Variants in ANKH observed in about 807,000 individuals in gnomAD.
The protein encoded by ANKH is ANKH inorganic pyrophosphate transport regulator, also known as mineralization regulator ANKH.
ANKH carries 15 observed loss-of-function variants against 49.0 expected under a neutral mutation model. That is an observed-to-expected ratio of 0.31 (90% confidence interval 0.20 to 0.47). The LOEUF is 0.47. Ranked by LOEUF, ANKH falls within the 20% of genes least tolerant of loss-of-function variation. ANKH has a pLI of 1.00. For missense variants in ANKH, 429 were observed against 652.0 expected (o/e 0.66, Z 3.72); for synonymous variants, 273 against 260.0 (o/e 1.05, Z -0.48).
chr5:14,714,723 A>C (rs1234725205), intron 9 of ANKH, among the ~76,000 whole-genome samples: 1 of 151,976 alleles, frequency 6.6e-6, no homozygotes, highest in Non-Finnish European at 1.5e-5. Flanking sequence ...CATATGCTAA[A>C]CTGGTTGGCC....
intron 7 of ANKH, among the ~76,000 whole-genome samples, chr5:14,742,666 C>T (rs887912919): frequency 2.0e-5 from 3 of 152,228 alleles, no homozygotes; most frequent in Non-Finnish European, 2.9e-5. Flanking sequence ...CGTCCAACCC[C>T]GGTGAGGCTG....
At chr5:14,797,571 T>TG in intron 1 of ANKH, 1 of 1,610,686 alleles carries the variant, frequency 6.2e-7, no homozygotes, top group Non-Finnish European at 8.5e-7. Context: ...AGAAAGGCAG[T>TG]TCACTTCAGC....
At chr5:14,815,407 T>A (rs970521638) in intron 1 of ANKH, among the ~76,000 whole-genome samples, 1 of 152,246 alleles carries the variant, frequency 6.6e-6, no homozygotes, top group Non-Finnish European at 1.5e-5. Context: ...TGTGTTTGAA[T>A]AACAAGAACA....
At chr5:14,829,093 A>C (rs1741429636) in intron 1 of ANKH, among the ~76,000 whole-genome samples, 1 of 150,262 alleles carries the variant, frequency 6.7e-6, no homozygotes, top group Admixed American at 6.7e-5. Flanking sequence ...CTGAGGCAGT[A>C]GAATCGCTTG....
chr5:14,785,157 T>C (rs1322832813), intron 1 of ANKH, among the ~76,000 whole-genome samples: 2 of 152,188 alleles, frequency 1.3e-5, no homozygotes, highest in African/African-American at 4.8e-5. Flanking sequence ...CTGTGAGAAT[T>C]CTACTCAGAG....
rs755792117 is a variant in ANKH at position 14,741,937 on chromosome 5, CCA to C, written c.916-17_916-16del. 1.5e-5 allele frequency: 24 copies of C among 1,609,550 alleles called. No individual in the cohort carries two copies. Among genetic ancestry groups the C allele is most frequent in the Admixed American group, 3.3e-5 (2 of 59,980 alleles). Reference sequence around the variant, plus strand: ...CTGGGGTTATTCTGGGGAAAGAAAACCACAGTCATGAATGGGCCCGGCTTATC... The same window carrying C: ...CTGGGGTTATTCTGGGGAAAGAAAACCAGTCATGAATGGGCCCGGCTTATC... On this transcript the variant is annotated splice_polypyrimidine_tract_variant and intron_variant, in intron 7 of 11. Coordinates refer to ENST00000284268, the MANE Select transcript of ANKH (RefSeq NM_054027.6).
intron 1 of ANKH, among the ~76,000 whole-genome samples, chr5:14,865,017 T>C (rs914950045): frequency 6.6e-6 from 1 of 152,158 alleles, no homozygotes; most frequent in Non-Finnish European, 1.5e-5. Flanking sequence ...TCCCAGCACT[T>C]TGGGAGGCCG....
At chr5:14,768,568 T>C (rs1739324861) in intron 2 of ANKH, 1 of 255,382 alleles carries the variant, frequency 3.9e-6, no homozygotes, top group African/African-American at 2.2e-5. Context: ...AATAGAACAA[T>C]CTGTCATTTG....
At chr5:14,757,430 A>ATATATATATATATTTTTTT (rs1379233165) in intron 3 of ANKH, among the ~76,000 whole-genome samples, 3 of 113,818 alleles carry the variant, frequency 2.6e-5, no homozygotes, top group African/African-American at 9.9e-5. Context: ...ATATATATAT[A>ATATATATATATATTTTTTT]TTTTTTTTTT....
Position 14,709,927 on chromosome 5 carries a change from T to G in ANKH, c.*1270A>C, listed in dbSNP as rs187733448. On this transcript the variant is annotated 3_prime_UTR_variant, in exon 12 of 12. Transcript: ENST00000284268. ...TTTATATCTTTAAAATATTTTTTTT[T>G]TTAGGTTCTTTCAGTCTAGGAATTC... The G allele has an allele frequency of 6.6e-5, 10 of 152,306 alleles. No homozygotes were observed. The highest frequency in any genetic ancestry group is 1.5e-4 in the Non-Finnish European group (10 of 68,036). The allele number at this position is 152,306 out of a possible 1,614,324, so 9.4% of individuals were successfully genotyped here.
intron 1 of ANKH, among the ~76,000 whole-genome samples, chr5:14,809,352 A>AG (rs1740808020): frequency 5.4e-5 from 8 of 147,468 alleles, no homozygotes; most frequent in South Asian, 2.2e-4. Flanking sequence ...AAAAAAAAAA[A>AG]AAAAAGAAAA....
chr5:14,738,423 A>G (rs893487823), intron 8 of ANKH, among the ~76,000 whole-genome samples: 2 of 152,082 alleles, frequency 1.3e-5, no homozygotes, highest in African/African-American at 4.8e-5. Context: ...TTCTCAAAAG[A>G]CTCAGGGATA....
Position 14,725,292 on chromosome 5 carries a change from G to C in ANKH, c.1012-8457C>G, listed in dbSNP as rs985144130. Among the ~76,000 whole-genome samples, 5 of 152,196 alleles carry C rather than the reference G, an allele frequency of 3.3e-5. No individual in the cohort carries two copies. Among genetic ancestry groups the C allele is most frequent in the Non-Finnish European group, 7.3e-5 (5 of 68,028 alleles). The stretch of plus-strand genomic sequence containing the variant: ...CCCTCACAGGGATGCTGTGTGGACT[G>C]GGCTGCCCAGAGTGCTGGTCTGCCA... On this transcript the variant is annotated intron_variant, in intron 8 of 11. Coordinates refer to ENST00000284268, the MANE Select transcript of ANKH (RefSeq NM_054027.6). This position sits in a 1 kb window ranked among gnomAD's most constrained non-coding sequence, Gnocchi z 4.0.
rs1738045279 is a variant in ANKH at position 14,732,774 on chromosome 5, C to T, written c.1011+9053G>A. 2.6e-5 allele frequency among the ~76,000 whole-genome samples: 4 copies of T among 152,184 alleles called. No individual in the cohort carries two copies. The South Asian group carries it at 6.2e-4, about 24-fold the overall frequency. The stretch of plus-strand genomic sequence containing the variant: ...GTTTTGAGTGACTTTCCTGAAGCCA[C>T]TTGGCTAGTGAGTGGTGGAGCCTGG... On this transcript the variant is annotated intron_variant, in intron 8 of 11. Coordinates refer to ENST00000284268, the MANE Select transcript of ANKH (RefSeq NM_054027.6).
In ANKH at chr5:14,847,939, T is replaced by C. The variant is rs191968236; in HGVS notation, c.96+23413A>G. On this transcript the variant is annotated intron_variant, in intron 1 of 11. Transcript: ENST00000284268. The stretch of plus-strand genomic sequence containing the variant: ...GGGCGGATAACTTGAGGTCAGGAGT[T>C]TGAGACCAGCCTGGCCAACGTGGTG... Among the ~76,000 whole-genome samples the C allele has an allele frequency of 9.8e-4, 149 of 152,308 alleles. 2 individuals carry two copies. The highest frequency in any genetic ancestry group is 2.9e-3 in the Admixed American group (45 of 15,308).
At chr5:14,772,154 T>C (rs984585111) in intron 1 of ANKH, among the ~76,000 whole-genome samples, 2 of 152,148 alleles carry the variant, frequency 1.3e-5, no homozygotes, top group Admixed American at 1.3e-4. Context: ...TGTAATCCAG[T>C]GTCACAGACT....
intron 1 of ANKH, among the ~76,000 whole-genome samples, chr5:14,864,613 A>G (rs1735590629): frequency 6.6e-6 from 1 of 152,198 alleles, no homozygotes; most frequent in Non-Finnish European, 1.5e-5. Context: ...ATAGGCACCA[A>G]ATTATGCCAG....
intron 1 of ANKH, among the ~76,000 whole-genome samples, chr5:14,798,650 T>A (rs60240715): frequency 0.022 from 3,417 of 152,236 alleles, 141 homozygotes; most frequent in African/African-American, 0.078. Flanking sequence ...TATTATTATA[T>A]CTGATATGGT....
At chr5:14,741,578 A>G (rs771811165) in intron 8 of ANKH, 11 of 484,696 alleles carry the variant, frequency 2.3e-5, no homozygotes, top group Non-Finnish European at 3.7e-5. Flanking sequence ...ATTAAAGGCA[A>G]CCTCTTCCTT....
Sources: gnomAD v4.1 joint callset for allele counts (sites outside exome capture counted in the v4.1 genomes callset) on GRCh38, gnomAD v4.1.1 for gene constraint, Gnocchi (gnomAD v3.1) non-coding constraint, MANE v1.5 for transcripts, NCBI Gene and HGNC (gene_info 2026-07-23, HGNC 2026-07-21) for gene names.